The following MAP2 variants were observed in gnomAD, a reference collection of about 807,000 sequenced individuals.
The protein encoded by MAP2 is microtubule-associated protein 2.
In MAP2, 14 loss-of-function variants were observed where a neutral mutation model predicts 137.6. The observed-to-expected ratio is 0.10, with a 90% CI of 0.07 to 0.16. MAP2 has a LOEUF of 0.16. Among genes scored for constraint, MAP2 ranks in the 10% least tolerant of loss-of-function variants. The pLI is 1.00. For missense variants in MAP2, 2,088 were observed against 2,191.5 expected (o/e 0.95, Z 0.94); for synonymous variants, 786 against 782.3 (o/e 1.00, Z -0.08).
rs143976681 is a variant in MAP2, at chr2:209,542,961, T to G, written c.-172+35320T>G. ...TTTAATTTCCTCTGAGAACTTTTCA[T>G]TTGCGTTCACAATTTGGCTGCTTGG... On this transcript the variant is annotated intron_variant, in intron 2 of 15. Transcript: ENST00000682079. 4.6e-5 allele frequency among the ~76,000 whole-genome samples: 7 copies of G among 152,366 alleles called. No individual in the cohort carries two copies. The East Asian group carries it at 1.3e-3, about 29-fold the overall frequency.
chr2:209,569,252 T>C (rs540391494), intron 2 of MAP2, among the ~76,000 whole-genome samples: 1 of 151,972 alleles, frequency 6.6e-6, no homozygotes, highest in East Asian at 1.9e-4. Flanking sequence ...CTGAAACTTT[T>C]AGCCCTAAGA....
At chr2:209,586,766 G>T (rs2077834622) in intron 3 of MAP2, among the ~76,000 whole-genome samples, 1 of 152,184 alleles carries the variant, frequency 6.6e-6, no homozygotes, top group Non-Finnish European at 1.5e-5. Context: ...CCCAAGTAAT[G>T]ATGCTGCTGG....
chr2:209,428,269 T>G (rs943993586), intron 1 of MAP2, among the ~76,000 whole-genome samples: 3 of 152,076 alleles, frequency 2.0e-5, no homozygotes, highest in Admixed American at 6.6e-5. Context: ...TTAGACAAAA[T>G]AAAGAGCTCA....
intron 6 of MAP2, 91 bp downstream of exon 6, chr2:209,678,776 TGTAC>T: frequency 1.6e-6 from 1 of 618,430 alleles, no homozygotes; most frequent in Non-Finnish European, 2.7e-6. Flanking sequence ...GGCCATATCT[TGTAC>T]TTCATCCTTA....
At chr2:209,548,917 C>T (rs919177086) in intron 2 of MAP2, among the ~76,000 whole-genome samples, 28 of 152,262 alleles carry the variant, frequency 1.8e-4, no homozygotes, top group African/African-American at 5.3e-4. Flanking sequence ...GTCAATTAAA[C>T]CTCTTTCCTT....
At chr2:209,463,273 C>G (rs1311288975) in intron 1 of MAP2, among the ~76,000 whole-genome samples, 1 of 152,088 alleles carries the variant, frequency 6.6e-6, no homozygotes, top group Admixed American at 6.5e-5. Flanking sequence ...AAAATTTGTT[C>G]TGATAAGTCA....
At chr2:209,462,077 A>G (rs1305840698) in intron 1 of MAP2, among the ~76,000 whole-genome samples, 1 of 152,042 alleles carries the variant, frequency 6.6e-6, no homozygotes, top group Non-Finnish European at 1.5e-5. Flanking sequence ...TTCCTCTCCT[A>G]CCTTGAGCTG....
intron 2 of MAP2, among the ~76,000 whole-genome samples, chr2:209,542,944 C>A (rs754526032): frequency 6.6e-6 from 1 of 152,166 alleles, no homozygotes; most frequent in Non-Finnish European, 1.5e-5. Flanking sequence ...CTTTTAATTT[C>A]CTCTGAGAAC....
chr2:209,653,973 GCAGA>G (rs2094969062), intron 5 of MAP2, among the ~76,000 whole-genome samples: 1 of 152,180 alleles, frequency 6.6e-6, no homozygotes, highest in Admixed American at 6.5e-5. Flanking sequence ...TGATCTTGGA[GCAGA>G]CATGAGACTT....
intron 3 of MAP2, among the ~76,000 whole-genome samples, chr2:209,595,705 C>G (rs1579783903): frequency 1.3e-5 from 2 of 152,012 alleles, no homozygotes; most frequent in Admixed American, 6.6e-5. Flanking sequence ...CTTGGACACC[C>G]AAATGTCCAC....
rs1401681065 is a variant in MAP2, at chr2:209,733,489, CACA to C, written c.*3093_*3095del. The C allele has an allele frequency of 2.0e-4, 31 of 151,898 alleles. No individual in the cohort carries two copies. Among genetic ancestry groups the C allele is most frequent in the East Asian group, 7.7e-4 (4 of 5,170 alleles). 9.4% of individuals were successfully genotyped at this position (151,898 alleles called of 1,614,324 possible). On this transcript the variant is annotated 3_prime_UTR_variant, in exon 16 of 16. Coordinates refer to ENST00000682079, the MANE Select transcript of MAP2 (RefSeq NM_001375505.1). ...ACACACACACACACACACACACACA[CACA>C]CCTACAGTAATACAGCAAGCGTGGA...
At chr2:209,701,209 A>G (rs1014513274) in intron 11 of MAP2, among the ~76,000 whole-genome samples, 2 of 151,920 alleles carry the variant, frequency 1.3e-5, no homozygotes, top group Non-Finnish European at 2.9e-5. Context: ...GAGTGTTCAT[A>G]TTTGTTATTA....
At chr2:209,454,592 C>T (rs1345851030) in intron 1 of MAP2, among the ~76,000 whole-genome samples, 1 of 152,114 alleles carries the variant, frequency 6.6e-6, no homozygotes, top group Non-Finnish European at 1.5e-5. Flanking sequence ...CCACCTTGGC[C>T]TCTCAAAGTG....
rs542136574 is a variant in MAP2, at chr2:209,634,425, A to G, written c.-30+9296A>G. 1.1e-4 allele frequency among the ~76,000 whole-genome samples: 17 copies of G among 152,258 alleles called. No homozygotes were observed. In the South Asian group the frequency reaches 3.3e-3, roughly 30 times the overall value. On this transcript the variant is annotated intron_variant, in intron 4 of 15. Transcript: ENST00000682079. ...TTGTTTGTCCTCTTCGTAGTCAGCCAGGGTCCAGACTTCTTCCATGTGTGG... is the reference window on the plus strand; with the variant it reads ...TTGTTTGTCCTCTTCGTAGTCAGCCGGGGTCCAGACTTCTTCCATGTGTGG...
chr2:209,558,922 C>A (rs998243018), intron 2 of MAP2, among the ~76,000 whole-genome samples: 2 of 151,670 alleles, frequency 1.3e-5, no homozygotes, highest in Non-Finnish European at 2.9e-5. Context: ...ATATTGGACA[C>A]TTTTTATCAA....
At chr2:209,542,523 T>A (rs1405800983) in intron 2 of MAP2, among the ~76,000 whole-genome samples, 1 of 152,252 alleles carries the variant, frequency 6.6e-6, no homozygotes, top group African/African-American at 2.4e-5. Flanking sequence ...GCTATGAAAG[T>A]CCTAGATAGG....
At chr2:209,445,680 C>G (rs901361794) in intron 1 of MAP2, among the ~76,000 whole-genome samples, 4 of 151,588 alleles carry the variant, frequency 2.6e-5, no homozygotes, top group Non-Finnish European at 5.9e-5. Flanking sequence ...AAATCATGTT[C>G]TACCAACAGG....
chr2:209,679,339 A>T (rs1393568444), intron 6 of MAP2, among the ~76,000 whole-genome samples: 3 of 98,364 alleles, frequency 3.0e-5, no homozygotes, highest in African/African-American at 8.1e-5. Flanking sequence ...AGATAGATAG[A>T]TAGATAGATA....
At chr2:209,560,817 A>G (rs1359294976) in intron 2 of MAP2, among the ~76,000 whole-genome samples, 2 of 152,202 alleles carry the variant, frequency 1.3e-5, no homozygotes, top group Non-Finnish European at 2.9e-5. Flanking sequence ...TAAATATGAT[A>G]TGGTTTAATT....
Sources: gnomAD v4.1 joint callset for allele counts (sites outside exome capture counted in the v4.1 genomes callset) on GRCh38, gnomAD v4.1.1 for gene constraint, MANE v1.5 for transcripts, NCBI Gene and HGNC (gene_info 2026-07-23, HGNC 2026-07-21) for gene names.